GPR139: variants seen among roughly 807,000 people sequenced by gnomAD.
GPR139 encodes the protein probable G protein-coupled receptor 139.
GPR139 carries 12 observed loss-of-function variants against 25.8 expected under a neutral mutation model. That is an observed-to-expected ratio of 0.47 (90% CI 0.30 to 0.75). The LOEUF (loss-of-function observed/expected upper bound fraction) is 0.75. Among genes scored for constraint, GPR139 ranks in the 30% least tolerant of loss-of-function variants. The probability of loss-of-function intolerance (pLI) is 0.07; values close to 1 mark genes in which losing one functional copy is unlikely to be tolerated. For missense variants in GPR139, 380 were observed against 450.2 expected (o/e 0.84, Z 1.41); for synonymous variants, 184 against 179.9 (o/e 1.02, Z -0.18).
chr16:20,031,687 C>T lies in GPR139; in HGVS notation c.*48G>A. ...TCAGCCATAGGATGGGACACCTTCCCATCTGGAAATGGATTAGACAGAGGC... is the reference window on the plus strand; with the variant it reads ...TCAGCCATAGGATGGGACACCTTCCTATCTGGAAATGGATTAGACAGAGGC... On this transcript the variant is annotated 3_prime_UTR_variant, in exon 2 of 2. Coordinates refer to ENST00000570682, the MANE Select transcript of GPR139 (RefSeq NM_001002911.4). 4 of 1,464,880 alleles carry T rather than the reference C, an allele frequency of 2.7e-6. No homozygotes were observed. The highest frequency in any genetic ancestry group is 3.8e-6 in the Non-Finnish European group (4 of 1,052,794). The allele number at this position is 1,464,880 out of a possible 1,614,324, so 90.7% of individuals were successfully genotyped here.
intron 1 of GPR139, among the ~76,000 whole-genome samples, chr16:20,047,224 C>T (rs1158714376): frequency 6.6e-6 from 1 of 152,014 alleles, no homozygotes; most frequent in Non-Finnish European, 1.5e-5. Context: ...AATTCTCCTG[C>T]CTCAGCCTCC....
chr16:20,068,883 A>AT (rs58603103), intron 1 of GPR139, among the ~76,000 whole-genome samples: 2,477 of 146,574 alleles, frequency 0.017, 69 homozygotes, highest in African/African-American at 0.058. Flanking sequence ...ATGCCTTAAA[A>AT]TTTTTTTTTT....
intron 1 of GPR139, among the ~76,000 whole-genome samples, chr16:20,066,120 G>C (rs1266936074): frequency 6.6e-6 from 1 of 152,186 alleles, no homozygotes; most frequent in Non-Finnish European, 1.5e-5. Flanking sequence ...TTAAAAACTA[G>C]ACTACTTTGT....
At position 20,073,605 on chromosome 16, in the gene GPR139, C is replaced by T. The variant is rs1747191653; in HGVS notation, c.12G>A (p.Thr4=). 3 of 1,607,532 alleles carry T rather than the reference C, an allele frequency of 1.9e-6. No individual in the cohort carries two copies. Among genetic ancestry groups the T allele is most frequent in the South Asian group, 2.2e-5 (2 of 89,720 alleles). The part of the protein sequence containing the change: MEH[T]HAHLAANSSL... ...AGCTGTTGGCTGCGAGGTGGGCGTG[C>T]GTGTGCTCCATGAGCGCGCCCCTCG... is the stretch of plus-strand genomic sequence containing the variant. Residue 4 remains threonine (T), a synonymous_variant, in exon 1 of 2, where the codon ACG becomes ACA. Transcript: ENST00000570682. The surrounding 1 kb of genome is among the most constrained non-coding windows in gnomAD (Gnocchi z 4.7).
In GPR139 at chr16:20,029,239, ATAAAT is replaced by A. The variant is rs2057278465; in HGVS notation, c.*2491_*2495del. Among the ~76,000 whole-genome samples, 1 of 152,138 alleles carries A rather than the reference ATAAAT, an allele frequency of 6.6e-6. No homozygotes were observed. The highest frequency in any genetic ancestry group is 6.5e-5 in the Admixed American group (1 of 15,280). On this transcript the variant is annotated 3_prime_UTR_variant, in exon 2 of 2. Transcript: ENST00000570682. ...GTAGAGCCTCTATCATCGAGAAGTAATAAATTAAAGTGTCTGAGGAAAATGTTCCC... is the reference window on the plus strand; with the variant it reads ...GTAGAGCCTCTATCATCGAGAAGTAATAAAGTGTCTGAGGAAAATGTTCCC...
At chr16:20,039,799 T>C (rs1438693789) in intron 1 of GPR139, among the ~76,000 whole-genome samples, 1 of 152,188 alleles carries the variant, frequency 6.6e-6, no homozygotes, top group East Asian at 1.9e-4. Context: ...CCGTCTTCCA[T>C]GGATAATGTG....
intron 1 of GPR139, among the ~76,000 whole-genome samples, chr16:20,057,986 G>A (rs1053082878): frequency 6.6e-6 from 1 of 152,096 alleles, no homozygotes; most frequent in African/African-American, 2.4e-5. Context: ...CACAAAGTAG[G>A]GCCTCATGAA....
intron 1 of GPR139, among the ~76,000 whole-genome samples, chr16:20,064,543 A>G (rs144659416): frequency 1.2e-3 from 180 of 152,330 alleles, no homozygotes; most frequent in South Asian, 2.3e-3. Context: ...CTCTGCCTCA[A>G]ACAACAACAA....
At chr16:20,061,059 C>CTG (rs1491316338) in intron 1 of GPR139, among the ~76,000 whole-genome samples, 1 of 77,280 alleles carries the variant, frequency 1.3e-5, no homozygotes, top group Non-Finnish European at 3.1e-5. Flanking sequence ...CTAGTCTTTC[C>CTG]TCTGTGTGTG....
chr16:20,065,482 T>A (rs2057428897), intron 1 of GPR139, among the ~76,000 whole-genome samples: 1 of 152,206 alleles, frequency 6.6e-6, no homozygotes, highest in Non-Finnish European at 1.5e-5. Context: ...AATACTGCCC[T>A]GTCATTTCTT....
chr16:20,032,818 A>G (rs2057296023), intron 1 of GPR139, 149 bp from the exon 2 acceptor site: 1 of 608,530 alleles, frequency 1.6e-6, no homozygotes, highest in Non-Finnish European at 2.9e-6. Flanking sequence ...CAGCATTACA[A>G]ATAGCACCTC....
At chr16:20,034,553 C>T (rs532394843) in intron 1 of GPR139, among the ~76,000 whole-genome samples, 36 of 152,176 alleles carry the variant, frequency 2.4e-4, no homozygotes, top group African/African-American at 8.2e-4. Context: ...TTCAGAGACC[C>T]GGTCTTGCTA....
chr16:20,067,725 A>C (rs2057440520), intron 1 of GPR139, among the ~76,000 whole-genome samples: 1 of 147,984 alleles, frequency 6.8e-6, no homozygotes, highest in African/African-American at 2.5e-5. Flanking sequence ...AATCGCTTGA[A>C]TCCAGGAGGC....
At chr16:20,050,926 AGT>A (rs1024586281) in intron 1 of GPR139, among the ~76,000 whole-genome samples, 23 of 151,930 alleles carry the variant, frequency 1.5e-4, no homozygotes, top group African/African-American at 4.4e-4. Flanking sequence ...AGCCAGGTGC[AGT>A]GTCAAGTGCC....
chr16:20,052,316 T>A (rs1486129042), intron 1 of GPR139, among the ~76,000 whole-genome samples: 1 of 152,230 alleles, frequency 6.6e-6, no homozygotes, highest in Non-Finnish European at 1.5e-5. Flanking sequence ...TCCTCTGCGA[T>A]ACCGTTTCCA....
Position 20,047,801 on chromosome 16 carries a change from C to T in GPR139, c.128-15132G>A, listed in dbSNP as rs116072584. ...GGTTTCAAATTGCCCCTGCAGCCTT[C>T]TAGCTGTGTGACCTTGAGCAATTTA... is the stretch of plus-strand genomic sequence containing the variant. On this transcript the variant is annotated intron_variant, in intron 1 of 1. Transcript: ENST00000570682. Among the ~76,000 whole-genome samples the T allele has an allele frequency of 3.3e-3, 498 of 152,332 alleles. 2 individuals are homozygous for T. Among genetic ancestry groups the T allele is most frequent in the African/African-American group, 0.011 (476 of 41,576 alleles).
Position 20,073,341 on chromosome 16 carries a change from C to T in GPR139, c.127+149G>A. 1.7e-6 allele frequency: 2 copies of T among 1,196,018 alleles called. No individual in the cohort carries two copies. The highest frequency in any genetic ancestry group is 1.5e-5 in the South Asian group (1 of 67,052). 74.1% of individuals were successfully genotyped at this position (1,196,018 alleles called of 1,614,324 possible). ...TAGGGCACAGCAACTTCCTTTCCCC[C>T]CGTGTGGAAATATCCATAGTTGCCC... On this transcript the variant is annotated intron_variant, in intron 1 of 1. Coordinates refer to ENST00000570682, the MANE Select transcript of GPR139 (RefSeq NM_001002911.4). This position sits in a 1 kb window ranked among gnomAD's most constrained non-coding sequence, Gnocchi z 4.7.
chr16:20,063,366 G>A (rs952021806), intron 1 of GPR139, among the ~76,000 whole-genome samples: 1 of 152,216 alleles, frequency 6.6e-6, no homozygotes, highest in African/African-American at 2.4e-5. Flanking sequence ...ACTGAGTGCA[G>A]TGGCATGTGT....
intron 1 of GPR139, among the ~76,000 whole-genome samples, chr16:20,054,850 C>T (rs1857382711): frequency 6.6e-6 from 1 of 152,182 alleles, no homozygotes; most frequent in Non-Finnish European, 1.5e-5. Context: ...GCCTCTGCTT[C>T]CCAAGTAGCT....
Sources: allele counts gnomAD v4.1 joint callset (sites outside exome capture counted in the v4.1 genomes callset), GRCh38; gene constraint gnomAD v4.1.1; non-coding constraint Gnocchi (gnomAD v3.1); transcripts MANE v1.5; gene names NCBI Gene and HGNC (gene_info 2026-07-23, HGNC 2026-07-21).